SHANK2: variants seen among roughly 807,000 people sequenced by gnomAD.
SHANK2 encodes SH3 and multiple ankyrin repeat domains protein 2.
Under a neutral mutation model 133.7 loss-of-function variants are expected in SHANK2, and 43 were observed. That is an observed-to-expected ratio of 0.32 (90% CI 0.25 to 0.41). SHANK2 has a LOEUF of 0.41. Ranked by LOEUF, SHANK2 falls within the 10% of genes least tolerant of loss-of-function variation. SHANK2 has a pLI of 1.00. For synonymous variants in SHANK2, 1,017 were observed against 952.8 expected (o/e 1.07, Z -1.24); for missense variants, 1,994 against 2,235.8 (o/e 0.89, Z 2.18).
At chr11:71,143,800 T>C (rs1406592677) in intron 3 of SHANK2, among the ~76,000 whole-genome samples, 3 of 152,104 alleles carry the variant, frequency 2.0e-5, no homozygotes, top group African/African-American at 7.2e-5. Flanking sequence ...TATTGACCTA[T>C]GGTCAAACAT....
chr11:70,827,108 G>T (rs1590731964), intron 11 of SHANK2, among the ~76,000 whole-genome samples: 1 of 152,284 alleles, frequency 6.6e-6, no homozygotes, highest in South Asian at 2.1e-4. Context: ...CCAGACCCAC[G>T]TTCCCCGGGC....
At chr11:70,849,878 A>G (rs1949057072) in intron 11 of SHANK2, among the ~76,000 whole-genome samples, 1 of 152,170 alleles carries the variant, frequency 6.6e-6, no homozygotes. Flanking sequence ...CATCATTTTT[A>G]AGTGTACAGG....
At chr11:70,880,725 A>C (rs1949646370) in intron 11 of SHANK2, among the ~76,000 whole-genome samples, 1 of 152,190 alleles carries the variant, frequency 6.6e-6, no homozygotes, top group Non-Finnish European at 1.5e-5. Flanking sequence ...GTGTACCCTC[A>C]CCAGAACCTC....
chr11:70,530,731 G>A (rs2059456880), intron 17 of SHANK2, among the ~76,000 whole-genome samples: 1 of 152,148 alleles, frequency 6.6e-6, no homozygotes, highest in Non-Finnish European at 1.5e-5. Context: ...GGGGCTGGGA[G>A]AAGAGAGAAT....
intron 17 of SHANK2, among the ~76,000 whole-genome samples, chr11:70,522,680 T>C (rs2059345644): frequency 6.6e-6 from 1 of 151,960 alleles, no homozygotes; most frequent in African/African-American, 2.4e-5. Context: ...CTGCTCACAC[T>C]GTCTAAGCTT....
chr11:70,939,374 A>T (rs1950614422), intron 10 of SHANK2, among the ~76,000 whole-genome samples: 3 of 152,232 alleles, frequency 2.0e-5, no homozygotes, highest in African/African-American at 7.2e-5. Context: ...GCTACTCGGG[A>T]GGCTGAGGAA....
At chr11:70,672,818 C>T (rs1395838188) in intron 15 of SHANK2, among the ~76,000 whole-genome samples, 1 of 152,204 alleles carries the variant, frequency 6.6e-6, no homozygotes, top group Non-Finnish European at 1.5e-5. Flanking sequence ...TTGGATGGTG[C>T]CAGCCACCGG....
At chr11:70,689,604 T>G (rs1945231386) in intron 15 of SHANK2, among the ~76,000 whole-genome samples, 1 of 152,148 alleles carries the variant, frequency 6.6e-6, no homozygotes, top group South Asian at 2.1e-4. Context: ...TGCTATAACT[T>G]CTTACTGGCA....
intron 9 of SHANK2, among the ~76,000 whole-genome samples, chr11:71,060,305 A>G (rs1950972521): frequency 6.6e-6 from 1 of 152,228 alleles, no homozygotes. Flanking sequence ...AGCTGAGGTC[A>G]ACAACCCCTG....
At chr11:71,098,117 C>T (rs1261149400) in intron 6 of SHANK2, among the ~76,000 whole-genome samples, 2 of 142,828 alleles carry the variant, frequency 1.4e-5, no homozygotes, top group Non-Finnish European at 3.0e-5. Flanking sequence ...GTATGCATGC[C>T]TGTATGTATG....
At chr11:70,698,542 G>T (rs1335552834) in intron 15 of SHANK2, 146 bp downstream of exon 15, 3 of 660,924 alleles carry the variant, frequency 4.5e-6, no homozygotes, top group Non-Finnish European at 8.3e-6. Flanking sequence ...AGGAGATGGT[G>T]GCTTCCATAG....
intron 15 of SHANK2, among the ~76,000 whole-genome samples, chr11:70,662,451 A>T (rs1944579761): frequency 6.6e-6 from 1 of 152,042 alleles, no homozygotes; most frequent in Admixed American, 6.5e-5. Flanking sequence ...CTCTCTCTGC[A>T]TCCCCCCCTC....
chr11:70,941,137 T>C (rs1410386824), intron 10 of SHANK2, among the ~76,000 whole-genome samples: 2 of 152,166 alleles, frequency 1.3e-5, no homozygotes, highest in African/African-American at 4.8e-5. Flanking sequence ...TATTTAAACA[T>C]GCAGAACATT....
intron 1 of SHANK2, chr11:71,226,672 G>A (rs1954649657): frequency 6.6e-6 from 1 of 151,976 alleles, no homozygotes; most frequent in Non-Finnish European, 1.5e-5. Flanking sequence ...AAAATATCCT[G>A]TAAGAATGAA....
chr11:70,599,117 A>T (rs1554990183), intron 17 of SHANK2, among the ~76,000 whole-genome samples: 1 of 152,186 alleles, frequency 6.6e-6, no homozygotes, highest in Non-Finnish European at 1.5e-5. Flanking sequence ...AGAATTAATA[A>T]GAGAATTCAG....
At chr11:70,879,025 G>A (rs1190642018) in intron 11 of SHANK2, among the ~76,000 whole-genome samples, 2 of 152,156 alleles carry the variant, frequency 1.3e-5, no homozygotes, top group Non-Finnish European at 2.9e-5. Context: ...GTATCTTCCT[G>A]AAGCTGCCCC....
At chr11:71,209,852 C>T (rs1387294364) in intron 2 of SHANK2, among the ~76,000 whole-genome samples, 1 of 152,086 alleles carries the variant, frequency 6.6e-6, no homozygotes, top group African/African-American at 2.4e-5. Flanking sequence ...AGGGGCCTGC[C>T]TGGCACCCCG....
chr11:71,217,472 C>T (rs1480005346), intron 2 of SHANK2, among the ~76,000 whole-genome samples: 4 of 152,038 alleles, frequency 2.6e-5, no homozygotes, highest in African/African-American at 9.7e-5. Context: ...CCACTGCACT[C>T]CAGCCTGGGC....
chr11:70,600,715 T>C (rs1056931004), intron 17 of SHANK2, among the ~76,000 whole-genome samples: 1 of 152,134 alleles, frequency 6.6e-6, no homozygotes, highest in African/African-American at 2.4e-5. Context: ...CCAATGCTGC[T>C]GGAAGGATGG....
Sources: gnomAD v4.1 joint callset for allele counts (sites outside exome capture counted in the v4.1 genomes callset) on GRCh38, gnomAD v4.1.1 for gene constraint, MANE v1.5 for transcripts, NCBI Gene and HGNC (gene_info 2026-07-23, HGNC 2026-07-21) for gene names.